Variants in ATP9B observed in about 807,000 individuals in gnomAD.
The protein encoded by ATP9B is probable phospholipid-transporting ATPase IIB.
Under a neutral mutation model 146.1 loss-of-function variants are expected in ATP9B, and 110 were observed. That is an observed-to-expected ratio of 0.75 (90% CI 0.65 to 0.88). The LOEUF is 0.88. Ranked by LOEUF, ATP9B falls within the 40% of genes least tolerant of loss-of-function variation. The probability of loss-of-function intolerance (pLI) is 0.00; values close to 1 mark genes in which losing one functional copy is unlikely to be tolerated. For synonymous variants in ATP9B, 604 were observed against 569.7 expected (o/e 1.06, Z -0.86); for missense variants, 1,499 against 1,496.4 (o/e 1.00, Z -0.03).
chr18:79,083,178 G>C (rs1300946762), intron 1 of ATP9B, among the ~76,000 whole-genome samples: 3 of 152,194 alleles, frequency 2.0e-5, no homozygotes, highest in African/African-American at 7.2e-5. Flanking sequence ...GCCTAGGTCA[G>C]ACTTCCCAGC....
At chr18:79,173,726 G>A (rs553240363) in intron 7 of ATP9B, 7 of 455,820 alleles carry the variant, frequency 1.5e-5, no homozygotes, top group Non-Finnish European at 3.1e-5. Context: ...GATTACTGCA[G>A]CCATCTGGTA....
At chr18:79,375,313 T>C in intron 28 of ATP9B, 81 bp from the exon 29 acceptor site, 1 of 1,294,522 alleles carries the variant, frequency 7.7e-7, no homozygotes, top group African/African-American at 1.5e-5. Context: ...ATGTATTTCT[T>C]ATTCTTTTGC....
chr18:79,334,457 C>T (rs911084298), intron 17 of ATP9B, among the ~76,000 whole-genome samples: 2 of 152,030 alleles, frequency 1.3e-5, no homozygotes, highest in Non-Finnish European at 2.9e-5. Context: ...TTTTATAGAA[C>T]ACACCACAGC....
intron 9 of ATP9B, among the ~76,000 whole-genome samples, chr18:79,200,762 C>CTGTCT (rs376428579): frequency 1.5e-4 from 4 of 26,794 alleles, no homozygotes; most frequent in East Asian, 1.2e-3. Flanking sequence ...GAGGTGGGAA[C>CTGTCT]GTTGGGGTCA....
intron 7 of ATP9B, among the ~76,000 whole-genome samples, chr18:79,167,984 C>T (rs959082970): frequency 1.3e-5 from 2 of 152,216 alleles, no homozygotes; most frequent in African/African-American, 2.4e-5. Flanking sequence ...AGGGCCAAGC[C>T]GGCAGAGTGC....
rs773802367 is a variant in ATP9B at position 79,337,448 on chromosome 18, A to C, written c.2282A>C (p.Lys761Thr). Residue 761 changes from lysine (K) to threonine (T), a missense_variant and splice_region_variant, in exon 19 of 30, where the codon AAG (lysine) becomes ACG (threonine). By Grantham distance (78) the Lys-to-Thr change is moderately conservative. Coordinates refer to ENST00000426216, the MANE Select transcript of ATP9B (RefSeq NM_198531.5). ...GAGATGCTGCGCAACGCCGGGATCAAGGTACTGCAGGCTCACCTCTGCTGG... is the reference window on the plus strand; with the variant it reads ...GAGATGCTGCGCAACGCCGGGATCACGGTACTGCAGGCTCACCTCTGCTGG... ...TLEMLRNAGI[K>T]IWMLTGDKLE... 1 of 1,608,586 alleles carries C rather than the reference A, an allele frequency of 6.2e-7. No individual in the cohort carries two copies.
intron 29 of ATP9B, among the ~76,000 whole-genome samples, chr18:79,376,737 C>G (rs574651658): frequency 2.0e-5 from 3 of 150,868 alleles, no homozygotes; most frequent in African/African-American, 7.3e-5. Flanking sequence ...ACTCTGTCCC[C>G]AGGCTGGAGT....
At chr18:79,330,334 T>C (rs2096783463) in intron 17 of ATP9B, among the ~76,000 whole-genome samples, 1 of 152,198 alleles carries the variant, frequency 6.6e-6, no homozygotes, top group South Asian at 2.1e-4. Flanking sequence ...AGTATCATTT[T>C]ATACTAAATT....
At chr18:79,167,086 C>A (rs755836015) in intron 7 of ATP9B, among the ~76,000 whole-genome samples, 1 of 152,154 alleles carries the variant, frequency 6.6e-6, no homozygotes, top group Non-Finnish European at 1.5e-5. Context: ...ACCGCAGATC[C>A]CCAAAGAGGA....
At chr18:79,350,951 A>T (rs2096919398) in intron 25 of ATP9B, among the ~76,000 whole-genome samples, 1 of 152,002 alleles carries the variant, frequency 6.6e-6, no homozygotes, top group Non-Finnish European at 1.5e-5. Context: ...GTATATTTTT[A>T]GTAGAGACGG....
At chr18:79,359,208 TCTTACTTGGTTGCCAA>T in intron 25 of ATP9B, 130 bp from the exon 26 acceptor site, 3 of 604,396 alleles carry the variant, frequency 5.0e-6, no homozygotes, top group Non-Finnish European at 3.0e-6. Context: ...TCCGCAATCA[TCTTACTTGGTTGCCAA>T]CTTACTTTGT....
intron 19 of ATP9B, among the ~76,000 whole-genome samples, chr18:79,340,093 G>A (rs943262928): frequency 2.1e-4 from 32 of 152,220 alleles, no homozygotes; most frequent in African/African-American, 7.7e-4. Flanking sequence ...TCTGTAAATC[G>A]ACACATGAAT....
chr18:79,121,643 G>A (rs1033630046), intron 4 of ATP9B, among the ~76,000 whole-genome samples: 5 of 152,170 alleles, frequency 3.3e-5, no homozygotes, highest in African/African-American at 1.2e-4. Flanking sequence ...CTGGCCATTG[G>A]GCATTTCCTT....
intron 29 of ATP9B, chr18:79,376,326 A>G: frequency 1.0e-6 from 1 of 985,128 alleles, no homozygotes; most frequent in Middle Eastern, 5.2e-4. Context: ...GCCTTCACAA[A>G]TTCTGCCACA....
intron 1 of ATP9B, among the ~76,000 whole-genome samples, chr18:79,094,184 G>T (rs1316453513): frequency 6.6e-6 from 1 of 152,228 alleles, no homozygotes; most frequent in African/African-American, 2.4e-5. Context: ...GTCAGGGCCT[G>T]TTGTGTAGGA....
At chr18:79,162,429 CT>C (rs1405335321) in intron 7 of ATP9B, among the ~76,000 whole-genome samples, 1 of 152,162 alleles carries the variant, frequency 6.6e-6, no homozygotes, top group Non-Finnish European at 1.5e-5. Flanking sequence ...GCACACAATT[CT>C]TTTAGTGGTA....
At chr18:79,130,127 C>A (rs2094353192) in intron 5 of ATP9B, among the ~76,000 whole-genome samples, 1 of 152,138 alleles carries the variant, frequency 6.6e-6, no homozygotes, top group Non-Finnish European at 1.5e-5. Flanking sequence ...ATAGTAACTG[C>A]CCCTGAGGAA....
At chr18:79,081,579 A>G (rs910380741) in intron 1 of ATP9B, among the ~76,000 whole-genome samples, 1 of 149,738 alleles carries the variant, frequency 6.7e-6, no homozygotes, top group African/African-American at 2.4e-5. Flanking sequence ...GGTATTCATT[A>G]TATCCAGCCA....
chr18:79,340,983 T>TCA (rs2096855095), intron 19 of ATP9B, among the ~76,000 whole-genome samples: 2 of 152,228 alleles, frequency 1.3e-5, no homozygotes, highest in Non-Finnish European at 2.9e-5. Flanking sequence ...CCTTTGACAC[T>TCA]CACAGCTATC....
Sources: gnomAD v4.1 joint callset for allele counts (sites outside exome capture counted in the v4.1 genomes callset) on GRCh38, gnomAD v4.1.1 for gene constraint, MANE v1.5 for transcripts, NCBI Gene and HGNC (gene_info 2026-07-23, HGNC 2026-07-21) for gene names.